Variants in C10orf88 observed in about 807,000 individuals in gnomAD.
C10orf88 encodes the protein ATPase PAAT.
Under a neutral mutation model 34.2 loss-of-function variants are expected in C10orf88, and 29 were observed. That is an observed-to-expected ratio of 0.85 (90% CI 0.63 to 1.16). The LOEUF is 1.16. Ranked by LOEUF, C10orf88 falls within the 50% of genes most tolerant of loss-of-function variation. The pLI is 0.00. For missense variants in C10orf88, 507 were observed against 533.2 expected (o/e 0.95, Z 0.48); for synonymous variants, 194 against 197.4 (o/e 0.98, Z 0.15).
At chr10:122,950,788 T>C (rs755620714) in intron 3 of C10orf88, among the ~76,000 whole-genome samples, 3 of 152,248 alleles carry the variant, frequency 2.0e-5, no homozygotes, top group South Asian at 2.1e-4. Context: ...CAAATCTTTG[T>C]TGAATGAAGA....
At chr10:122,935,414 T>C (rs963728477) in intron 5 of C10orf88, among the ~76,000 whole-genome samples, 1 of 152,046 alleles carries the variant, frequency 6.6e-6, no homozygotes, top group Non-Finnish European at 1.5e-5. Context: ...CAATTCTACC[T>C]GTATTGAATT....
Position 122,954,077 on chromosome 10 carries a change from G to A in C10orf88, c.102C>T (p.Thr34=). The change falls in exon 1 of 6, where the codon ACC becomes ACT. Residue 34 remains threonine, a synonymous_variant. Coordinates refer to ENST00000481909, the MANE Select transcript of C10orf88 (RefSeq NM_024942.4). ...AGTCACCGGGGCCGAGACCGGCCCG[G>A]GTGAGGAGGAGGCTGTGGGTCAGGG... ...GGALTHSLLL[T]RAGLGPGDFD... 3.2e-6 allele frequency: 5 copies of A among 1,564,242 alleles called. No homozygotes were observed. In the South Asian group the frequency reaches 4.7e-5, roughly 15 times the overall value.
chr10:122,952,741 A>G, intron 2 of C10orf88, 88 bp downstream of exon 2: 2 of 1,478,206 alleles, frequency 1.4e-6, no homozygotes, highest in Non-Finnish European at 1.9e-6. Flanking sequence ...TATGGTATCA[A>G]TATCAGAGAA....
At chr10:122,948,584 C>T (rs1397376115) in intron 4 of C10orf88, 65 bp downstream of exon 4, 6 of 1,488,370 alleles carry the variant, frequency 4.0e-6, no homozygotes, top group East Asian at 2.3e-5. Context: ...CACTACATTT[C>T]TTTACTAAAA....
In C10orf88 at chr10:122,937,928, A is replaced by T; in HGVS notation, c.880T>A (p.Cys294Ser). The T allele has an allele frequency of 6.2e-7, 1 of 1,613,338 alleles. No homozygotes were observed. Reference protein sequence around the residue: ...GGENSTKLDECKVMPQNHSFL... With the variant: ...GGENSTKLDESKVMPQNHSFL... ...GAATGGTTTTGAGGCATAACTTTACACTCATCAAGCTTGGTAGAATTCTCT... is the reference window on the plus strand; with the variant it reads ...GAATGGTTTTGAGGCATAACTTTACTCTCATCAAGCTTGGTAGAATTCTCT... The change falls in exon 5 of 6, where the codon TGT becomes AGT. Residue 294 changes from cysteine to serine, a missense_variant. Coordinates refer to ENST00000481909, the MANE Select transcript of C10orf88 (RefSeq NM_024942.4).
At chr10:122,937,168 G>T (rs1848540911) in intron 5 of C10orf88, among the ~76,000 whole-genome samples, 2 of 151,910 alleles carry the variant, frequency 1.3e-5, no homozygotes, top group Non-Finnish European at 2.9e-5. Flanking sequence ...AAGCAATTAG[G>T]AACATAATAC....
chr10:122,931,424 TGA>T lies in C10orf88; in HGVS notation c.*1001_*1002del. ...AATTTGCCAAAATATTAAATGAGTA[TGA>T]GATACCCTTTTTCTAAAAAATAAGA... On this transcript the variant is annotated 3_prime_UTR_variant, in exon 6 of 6. Transcript: ENST00000481909. The T allele has an allele frequency of 6.6e-6, 1 of 152,282 alleles. No homozygotes were observed. Among genetic ancestry groups the T allele is most frequent in the South Asian group, 2.1e-4 (1 of 4,834 alleles). The allele number at this position is 152,282 out of a possible 1,614,324, so 9.4% of individuals were successfully genotyped here. A position where few individuals can be genotyped will look rare whatever the true frequency, so the allele number is the denominator to read the frequency against.
In C10orf88 at chr10:122,938,040, AG is replaced by A; in HGVS notation, c.767del (p.Pro256LeufsTer8). Reference protein sequence around the residue: ...LGTLNKSSSTPFPFRTGLTSG... With the variant: ...LGTLNKSSSTXFPFRTGLTSG... ...ATGTCAATCCAGTTCTAAAAGGAAA[AG>A]GTGTGGAGGACGACTTGTTTAAGGT... is the stretch of plus-strand genomic sequence containing the variant. On this transcript the variant is annotated frameshift_variant, in exon 5 of 6. Transcript: ENST00000481909. LOFTEE classifies it high-confidence loss of function. 6.2e-7 allele frequency: 1 copy of A among 1,613,318 alleles called. No individual in the cohort carries two copies. Among genetic ancestry groups the A allele is most frequent in the Non-Finnish European group, 8.5e-7 (1 of 1,179,460 alleles).
chr10:122,948,413 T>C (rs966470344), intron 4 of C10orf88, among the ~76,000 whole-genome samples: 1 of 152,138 alleles, frequency 6.6e-6, no homozygotes. Context: ...CAGTGCCTTG[T>C]TTACTGCAAG....
chr10:122,941,622 A>AG (rs1589695369), intron 4 of C10orf88, among the ~76,000 whole-genome samples: 1 of 152,180 alleles, frequency 6.6e-6, no homozygotes. Context: ...TAGAATGTAT[A>AG]GATGCCTAGT....
At chr10:122,940,606 T>C (rs1848573118) in intron 4 of C10orf88, among the ~76,000 whole-genome samples, 1 of 152,040 alleles carries the variant, frequency 6.6e-6, no homozygotes, top group East Asian at 1.9e-4. Context: ...AGATGAGAGC[T>C]CTTTAGATGA....
Position 122,952,907 on chromosome 10 carries a change from C to G in C10orf88, c.290G>C (p.Arg97Thr). 6.2e-7 allele frequency: 1 copy of G among 1,614,196 alleles called. No homozygotes were observed. The highest frequency in any genetic ancestry group is 1.7e-5 in the Admixed American group (1 of 60,032). Residue 97 changes from arginine to threonine, a missense_variant, in exon 2 of 6, where the codon AGA (arginine) becomes ACA (threonine). Physicochemically the swap from Arg to Thr is moderately conservative, Grantham distance 71. Coordinates refer to ENST00000481909, the MANE Select transcript of C10orf88 (RefSeq NM_024942.4). ...CTCTCCTAAGTACACTTCCATATTT[C>G]TTGCTGAACTTAAAATGCCAATAGA... ...IASIGILSSA[R>T]NMEVYLGEEY...
chr10:122,947,499 G>C (rs11248344), intron 4 of C10orf88, among the ~76,000 whole-genome samples: 70,903 of 151,886 alleles, frequency 0.47, 16,833 homozygotes, highest in East Asian at 0.52. Flanking sequence ...ACATCAAATC[G>C]TTTCTCTTGC....
chr10:122,941,437 C>G (rs2133331605), intron 4 of C10orf88, among the ~76,000 whole-genome samples: 1 of 152,252 alleles, frequency 6.6e-6, no homozygotes, highest in East Asian at 1.9e-4. Context: ...TTCCAAGGCA[C>G]AGGTAAGCCA....
intron 5 of C10orf88, among the ~76,000 whole-genome samples, chr10:122,934,486 T>C (rs1848515712): frequency 6.6e-6 from 1 of 152,178 alleles, no homozygotes; most frequent in African/African-American, 2.4e-5. Flanking sequence ...GCAAAATGCC[T>C]TTGAGAGATG....
intron 4 of C10orf88, among the ~76,000 whole-genome samples, chr10:122,944,998 G>GTA (rs10604015): frequency 1.1e-3 from 160 of 148,492 alleles, no homozygotes; most frequent in African/African-American, 2.6e-3. Context: ...ATATATATGT[G>GTA]TATATATATA....
At chr10:122,939,895 C>T (rs1195139427) in intron 4 of C10orf88, among the ~76,000 whole-genome samples, 2 of 151,796 alleles carry the variant, frequency 1.3e-5, no homozygotes, top group African/African-American at 2.4e-5. Flanking sequence ...TCCTTTCTGA[C>T]ATATAATATT....
intron 4 of C10orf88, among the ~76,000 whole-genome samples, chr10:122,945,376 C>T (rs749683906): frequency 6.6e-6 from 1 of 152,170 alleles, no homozygotes; most frequent in Non-Finnish European, 1.5e-5. Context: ...ATTTACTATA[C>T]CATATTTTTA....
Position 122,932,430 on chromosome 10 carries a change from T to C in C10orf88, c.1335A>G (p.Arg445=). The change falls in exon 6 of 6, where the codon AGA becomes AGG. Residue 445 remains arginine (R), a synonymous_variant. Coordinates refer to ENST00000481909, the MANE Select transcript of C10orf88 (RefSeq NM_024942.4). ...GTACACTGTTTATGTTGAGAGCTTA[T>C]CTTTCTCCATTTGAAAGTCTTTCTC... ...DSGERLSNGE[R] 3 of 1,608,430 alleles carry C rather than the reference T, an allele frequency of 1.9e-6. No individual in the cohort carries two copies. The highest frequency in any genetic ancestry group is 2.6e-6 in the Non-Finnish European group (3 of 1,175,352).
Sources: allele counts gnomAD v4.1 joint callset (sites outside exome capture counted in the v4.1 genomes callset), GRCh38; gene constraint gnomAD v4.1.1; transcripts MANE v1.5; gene names NCBI Gene and HGNC (gene_info 2026-07-23, HGNC 2026-07-21).